Variants in PRKG1 observed in about 807,000 individuals in gnomAD.
The protein encoded by PRKG1 is protein kinase cGMP-dependent 1, also known as cGMP-dependent protein kinase 1.
In PRKG1, 35 loss-of-function variants were observed where a neutral mutation model predicts 88.1. The ratio of observed to expected loss-of-function variants is 0.40; its 90% confidence interval spans 0.30 to 0.53. The LOEUF is 0.53. Ranked by LOEUF, PRKG1 falls within the 20% of genes least tolerant of loss-of-function variation. The probability of loss-of-function intolerance (pLI) is 0.59; values close to 1 mark genes in which losing one functional copy is unlikely to be tolerated. For synonymous variants in PRKG1, 303 were observed against 292.5 expected (o/e 1.04, Z -0.37); for missense variants, 540 against 839.8 (o/e 0.64, Z 4.41).
intron 9 of PRKG1, among the ~76,000 whole-genome samples, chr10:52,203,384 G>A (rs539807419): frequency 6.6e-6 from 1 of 152,132 alleles, no homozygotes; most frequent in East Asian, 1.9e-4. Context: ...AGAGTGTGGT[G>A]GATATAATTT....
At chr10:51,711,938 G>A (rs999133094) in intron 3 of PRKG1, among the ~76,000 whole-genome samples, 2 of 152,020 alleles carry the variant, frequency 1.3e-5, no homozygotes, top group African/African-American at 4.8e-5. Context: ...TTGTAGGGAA[G>A]GAAAAATATA....
At chr10:52,028,473 T>A (rs776766936) in intron 5 of PRKG1, among the ~76,000 whole-genome samples, 5 of 152,204 alleles carry the variant, frequency 3.3e-5, no homozygotes, top group Non-Finnish European at 7.3e-5. Context: ...ACTATTTCTG[T>A]AAAATACTCT....
chr10:52,198,639 C>G (rs1178283909), intron 9 of PRKG1, among the ~76,000 whole-genome samples: 1 of 152,028 alleles, frequency 6.6e-6, no homozygotes, highest in Non-Finnish European at 1.5e-5. Flanking sequence ...CCCAGAATTC[C>G]TACATTCCTG....
chr10:51,064,578 G>GT (rs1211309934), intron 1 of PRKG1, among the ~76,000 whole-genome samples: 1 of 151,806 alleles, frequency 6.6e-6, no homozygotes, highest in Non-Finnish European at 1.5e-5. Flanking sequence ...TTGTCTTTAG[G>GT]TTTTTTTAAG....
chr10:51,298,428 C>T (rs1840780088), intron 2 of PRKG1, among the ~76,000 whole-genome samples: 1 of 152,178 alleles, frequency 6.6e-6, no homozygotes, highest in African/African-American at 2.4e-5. Flanking sequence ...GGGAGTTGTT[C>T]AGTCTTTCCA....
intron 5 of PRKG1, among the ~76,000 whole-genome samples, chr10:52,049,724 T>C (rs1020577989): frequency 4.0e-5 from 6 of 151,844 alleles, no homozygotes; most frequent in Admixed American, 1.3e-4. Context: ...AGCCCATGAG[T>C]TGGAAGTAGA....
intron 4 of PRKG1, among the ~76,000 whole-genome samples, chr10:51,890,739 T>C (rs1841699104): frequency 6.6e-6 from 1 of 152,190 alleles, no homozygotes; most frequent in African/African-American, 2.4e-5. Flanking sequence ...GTGGATCACA[T>C]GAGGCCAGGA....
At chr10:51,743,945 G>A (rs914856472) in intron 3 of PRKG1, among the ~76,000 whole-genome samples, 8 of 150,834 alleles carry the variant, frequency 5.3e-5, no homozygotes, top group Admixed American at 2.7e-4. Flanking sequence ...GGCTAAAAGC[G>A]ACTTCAACAG....
At position 51,710,550 on chromosome 10, in the gene PRKG1, A is replaced by G. The variant is rs1489836114; in HGVS notation, c.593-94035A>G. ...GGCAAGCCTGCTCTATGGATAGTAC[A>G]TTGTTGCCAGGCCATTGATTCATTG... is the stretch of plus-strand genomic sequence containing the variant. On this transcript the variant is annotated intron_variant, in intron 3 of 17. Coordinates refer to ENST00000373980, the MANE Select transcript of PRKG1 (RefSeq NM_006258.4). Among the ~76,000 whole-genome samples, 5 of 152,296 alleles carry G rather than the reference A, an allele frequency of 3.3e-5. No homozygotes were observed. The East Asian group carries it at 9.7e-4, about 29-fold the overall frequency.
chr10:51,591,692 A>T (rs1012393780), intron 3 of PRKG1, among the ~76,000 whole-genome samples: 10 of 152,200 alleles, frequency 6.6e-5, no homozygotes, highest in African/African-American at 1.9e-4. Context: ...CTTATCTGAG[A>T]TAATCTTTCG....
At chr10:51,024,747 G>C (rs1161230396) in intron 1 of PRKG1, among the ~76,000 whole-genome samples, 13 of 152,150 alleles carry the variant, frequency 8.5e-5, no homozygotes, top group Non-Finnish European at 1.9e-4. Flanking sequence ...TACATAGCCA[G>C]AGCAGGAGGA....
At chr10:52,206,378 C>T (rs1231209581) in intron 9 of PRKG1, among the ~76,000 whole-genome samples, 1 of 152,094 alleles carries the variant, frequency 6.6e-6, no homozygotes, top group Non-Finnish European at 1.5e-5. Context: ...ATGATCTTCA[C>T]TCCTCTCTAT....
intron 3 of PRKG1, among the ~76,000 whole-genome samples, chr10:51,703,683 T>G (rs7087820): frequency 0.2 from 30,067 of 152,064 alleles, 5,793 homozygotes; most frequent in African/African-American, 0.51. Context: ...GTAAATGTGG[T>G]CCTTGGTTCA....
chr10:52,015,397 G>A (rs981912213), intron 5 of PRKG1, among the ~76,000 whole-genome samples: 39 of 152,302 alleles, frequency 2.6e-4, no homozygotes, highest in African/African-American at 8.2e-4. Flanking sequence ...GGGACACAGC[G>A]CACCATGTCC....
intron 1 of PRKG1, among the ~76,000 whole-genome samples, chr10:51,129,795 G>T (rs868729070): frequency 7.9e-5 from 12 of 152,116 alleles, no homozygotes; most frequent in South Asian, 2.1e-4. Context: ...TTTCTCATTT[G>T]TGATGACTTC....
chr10:51,078,214 C>T (rs79944268), intron 1 of PRKG1, among the ~76,000 whole-genome samples: 8,811 of 151,420 alleles, frequency 0.058, 386 homozygotes, highest in East Asian at 0.15. Flanking sequence ...TGTTTCCTTT[C>T]TTTTTCCTTT....
chr10:51,996,139 C>T (rs2454548), intron 5 of PRKG1, among the ~76,000 whole-genome samples: 130,789 of 151,428 alleles, frequency 0.86, 56,737 homozygotes, highest in East Asian at 1. Context: ...GGTGAAACAC[C>T]GTCTCTACTA....
At chr10:51,674,329 C>T (rs564334896) in intron 3 of PRKG1, among the ~76,000 whole-genome samples, 1 of 152,048 alleles carries the variant, frequency 6.6e-6, no homozygotes, top group Non-Finnish European at 1.5e-5. Context: ...CCTCCCCTAG[C>T]CCCCAATCCC....
At chr10:52,190,227 G>T (rs865936000) in intron 9 of PRKG1, among the ~76,000 whole-genome samples, 3 of 152,096 alleles carry the variant, frequency 2.0e-5, no homozygotes, top group African/African-American at 7.2e-5. Flanking sequence ...ATTGACAATT[G>T]AGCTCTACAA....
Sources: allele counts gnomAD v4.1 joint callset (sites outside exome capture counted in the v4.1 genomes callset), GRCh38; gene constraint gnomAD v4.1.1; transcripts MANE v1.5; gene names NCBI Gene and HGNC (gene_info 2026-07-23, HGNC 2026-07-21).